DCLK1: variants seen among roughly 807,000 people sequenced by gnomAD.
The protein encoded by DCLK1 is doublecortin like kinase 1.
Under a neutral mutation model 86.2 loss-of-function variants are expected in DCLK1, and 16 were observed. The ratio of observed to expected loss-of-function variants is 0.19; its 90% CI spans 0.13 to 0.28. DCLK1 has a LOEUF of 0.28. Ranked by LOEUF, DCLK1 falls within the 10% of genes least tolerant of loss-of-function variation. The pLI, the probability that DCLK1 is intolerant of heterozygous loss-of-function variation, is 1.00. For missense variants in DCLK1, 590 were observed against 940.2 expected (o/e 0.63, Z 4.87); for synonymous variants, 369 against 370.5 (o/e 1.00, Z 0.05).
intron 3 of DCLK1, among the ~76,000 whole-genome samples, chr13:36,000,824 G>A (rs1880680126): frequency 6.6e-6 from 1 of 152,090 alleles, no homozygotes; most frequent in Non-Finnish European, 1.5e-5. Context: ...TCAGCACATA[G>A]GTGACATTCA....
In DCLK1 at chr13:36,031,995, C is replaced by T. The variant is rs902989740; in HGVS notation, c.723+79874G>A. On this transcript the variant is annotated intron_variant, in intron 3 of 16. Transcript: ENST00000360631. The stretch of plus-strand genomic sequence containing the variant: ...AAGGGAAGGGGACAGGTCTGTGGGG[C>T]AGGCCCCTTTTAAACCATTCATTAA... Among the ~76,000 whole-genome samples the T allele has an allele frequency of 3.9e-5, 6 of 152,240 alleles. 1 individual carries two copies. The highest frequency in any genetic ancestry group is 3.9e-4 in the Admixed American group (6 of 15,288).
At chr13:35,807,301 T>C (rs891783507) in intron 14 of DCLK1, among the ~76,000 whole-genome samples, 4 of 152,218 alleles carry the variant, frequency 2.6e-5, no homozygotes, top group Admixed American at 6.5e-5. Flanking sequence ...TGCATTCACA[T>C]TGTTGTGCAA....
At chr13:36,032,128 CTTTTCTTTTT>C (rs1882305481) in intron 3 of DCLK1, among the ~76,000 whole-genome samples, 1 of 151,464 alleles carries the variant, frequency 6.6e-6, no homozygotes. Flanking sequence ...TTTTCTTTTT[CTTTTCTTTTT>C]TTTTCTTTTT....
At chr13:36,025,465 G>A (rs893480881) in intron 3 of DCLK1, among the ~76,000 whole-genome samples, 6 of 152,272 alleles carry the variant, frequency 3.9e-5, no homozygotes, top group African/African-American at 7.2e-5. Context: ...TAGACAAAAG[G>A]TTGGAATAAC....
rs895988776 is a variant in DCLK1 at position 35,773,034 on chromosome 13, A to C, written c.*1501T>G. ...GTCTCGTGGATCCCAGAGCCCAGCA[A>C]ACCTTGGGAATACATTTGAGTTGGG... is the stretch of plus-strand genomic sequence containing the variant. On this transcript the variant is annotated 3_prime_UTR_variant, in exon 17 of 17. Coordinates refer to ENST00000360631, the MANE Select transcript of DCLK1 (RefSeq NM_001330071.2). The C allele has an allele frequency of 6.6e-6, 1 of 152,194 alleles. No homozygotes were observed. The highest frequency in any genetic ancestry group is 2.4e-5 in the African/African-American group (1 of 41,460). 9.4% of individuals were successfully genotyped at this position (152,194 alleles called of 1,614,324 possible). A position where few individuals can be genotyped will look rare whatever the true frequency, so the allele number is the denominator to read the frequency against.
intron 15 of DCLK1, among the ~76,000 whole-genome samples, chr13:35,801,111 AGT>A (rs1195614236): frequency 6.6e-6 from 1 of 152,196 alleles, no homozygotes; most frequent in Non-Finnish European, 1.5e-5. Context: ...GAGCAGAGAA[AGT>A]GCTTTTTGAC....
At chr13:36,005,028 A>G (rs1040694321) in intron 3 of DCLK1, among the ~76,000 whole-genome samples, 3 of 152,230 alleles carry the variant, frequency 2.0e-5, no homozygotes, top group Non-Finnish European at 4.4e-5. Flanking sequence ...CATCATTAGC[A>G]TGAAACTAAT....
At chr13:35,937,069 A>T (rs1876802225) in intron 4 of DCLK1, among the ~76,000 whole-genome samples, 1 of 146,182 alleles carries the variant, frequency 6.8e-6, no homozygotes, top group African/African-American at 2.6e-5. Context: ...TCCCAGGTTC[A>T]CGCCATTCTC....
chr13:35,845,308 T>C (rs1440893519), intron 6 of DCLK1, among the ~76,000 whole-genome samples: 2 of 152,186 alleles, frequency 1.3e-5, no homozygotes, highest in Non-Finnish European at 2.9e-5. Flanking sequence ...CTCTTTAACA[T>C]CCTTTTCTAT....
chr13:35,932,532 G>A (rs1432714652), intron 4 of DCLK1, among the ~76,000 whole-genome samples: 3 of 152,166 alleles, frequency 2.0e-5, no homozygotes, highest in Non-Finnish European at 2.9e-5. Context: ...ACATGGCTGG[G>A]GAAGCCTCAC....
rs117868544 is a variant in DCLK1, at chr13:35,987,109, T to A, written c.724-39652A>T. 7.9e-5 allele frequency among the ~76,000 whole-genome samples: 12 copies of A among 152,288 alleles called. No individual in the cohort carries two copies. The East Asian group carries it at 2.3e-3, about 30-fold the overall frequency. ...AGAGAAAGGGGTGGACAATAGAGACTGAGACTGGCTGAGAATTAAGTATCA... is the reference window on the plus strand; with the variant it reads ...AGAGAAAGGGGTGGACAATAGAGACAGAGACTGGCTGAGAATTAAGTATCA... On this transcript the variant is annotated intron_variant, in intron 3 of 16. Coordinates refer to ENST00000360631, the MANE Select transcript of DCLK1 (RefSeq NM_001330071.2).
At chr13:36,027,683 T>G (rs927549707) in intron 3 of DCLK1, among the ~76,000 whole-genome samples, 1 of 152,224 alleles carries the variant, frequency 6.6e-6, no homozygotes. Context: ...AAAATATTTC[T>G]TTACCTAGTA....
intron 3 of DCLK1, among the ~76,000 whole-genome samples, chr13:35,990,188 G>A (rs1451619591): frequency 6.6e-6 from 1 of 152,148 alleles, no homozygotes. Context: ...ACAAAATTAG[G>A]TTGAATATCA....
intron 3 of DCLK1, among the ~76,000 whole-genome samples, chr13:35,951,556 T>C (rs1877694641): frequency 6.6e-6 from 1 of 151,520 alleles, no homozygotes; most frequent in South Asian, 2.1e-4. Flanking sequence ...ATCCCTGCTC[T>C]GAACCTCTAC....
At chr13:36,096,429 A>T (rs1241137955) in intron 3 of DCLK1, among the ~76,000 whole-genome samples, 1 of 152,242 alleles carries the variant, frequency 6.6e-6, no homozygotes, top group Non-Finnish European at 1.5e-5. Context: ...ATTTTCAATG[A>T]TGGTTCAGTG....
intron 3 of DCLK1, among the ~76,000 whole-genome samples, chr13:35,965,582 C>T (rs916076721): frequency 5.3e-5 from 8 of 152,188 alleles, no homozygotes; most frequent in African/African-American, 1.9e-4. Context: ...AATTCTTGCT[C>T]AGGGAAACCT....
chr13:36,118,533 A>G (rs544584434), intron 2 of DCLK1, among the ~76,000 whole-genome samples: 1 of 152,238 alleles, frequency 6.6e-6, no homozygotes, highest in Non-Finnish European at 1.5e-5. Context: ...AAGGAAATTA[A>G]GTTGACTTTG....
intron 11 of DCLK1, among the ~76,000 whole-genome samples, chr13:35,819,995 G>A (rs1355147186): frequency 6.6e-6 from 1 of 152,168 alleles, no homozygotes; most frequent in African/African-American, 2.4e-5. Context: ...GTGGAAGAGT[G>A]AACCGCTTGG....
At chr13:35,931,113 A>G (rs1876407719) in intron 4 of DCLK1, among the ~76,000 whole-genome samples, 2 of 152,208 alleles carry the variant, frequency 1.3e-5, no homozygotes, top group Non-Finnish European at 2.9e-5. Flanking sequence ...TGTGAGTGTT[A>G]GCATACCTTT....
Sources: gnomAD v4.1 joint callset for allele counts (sites outside exome capture counted in the v4.1 genomes callset) on GRCh38, gnomAD v4.1.1 for gene constraint, MANE v1.5 for transcripts, NCBI Gene and HGNC (gene_info 2026-07-23, HGNC 2026-07-21) for gene names.